SLC25A48: variants seen among roughly 807,000 people sequenced by gnomAD.
SLC25A48 encodes CTC-321K16.1.
A neutral mutation model predicts 32.2 loss-of-function variants in SLC25A48; 29 were observed. That is an observed-to-expected ratio of 0.90 (90% confidence interval 0.67 to 1.23). The LOEUF is 1.23. Ranked by LOEUF, SLC25A48 falls within the 50% of genes most tolerant of loss-of-function variation. The probability of loss-of-function intolerance (pLI) is 0.00; values close to 1 mark genes in which losing one functional copy is unlikely to be tolerated. For synonymous variants in SLC25A48, 164 were observed against 172.3 expected (o/e 0.95, Z 0.38); for missense variants, 399 against 422.7 (o/e 0.94, Z 0.49).
chr5:135,705,500 A>C (rs1004868401), intron 3 of SLC25A48, among the ~76,000 whole-genome samples: 2 of 152,252 alleles, frequency 1.3e-5, no homozygotes, highest in African/African-American at 4.8e-5. Context: ...TAAGTATTAA[A>C]TGATGGCAGC....
chr5:135,715,959 C>G (rs184368626), intron 3 of SLC25A48, among the ~76,000 whole-genome samples: 1 of 152,140 alleles, frequency 6.6e-6, no homozygotes, highest in Admixed American at 6.5e-5. Flanking sequence ...CTGGCTTTTA[C>G]TTGGAATAAG....
chr5:135,853,675 A>G (rs991379802), intron 4 of SLC25A48, among the ~76,000 whole-genome samples: 3 of 152,160 alleles, frequency 2.0e-5, no homozygotes, highest in Admixed American at 6.5e-5. Flanking sequence ...CCTCCATGGA[A>G]GCCTTGAAGC....
At chr5:135,868,677 T>TGC (rs113717971) in intron 4 of SLC25A48, among the ~76,000 whole-genome samples, 2 of 149,140 alleles carry the variant, frequency 1.3e-5, no homozygotes, top group Admixed American at 6.7e-5. Flanking sequence ...CACACACACA[T>TGC]ACACACACAC....
chr5:135,665,913 C>T (rs1561781740), intron 3 of SLC25A48, among the ~76,000 whole-genome samples: 1 of 152,136 alleles, frequency 6.6e-6, no homozygotes, highest in Non-Finnish European at 1.5e-5. Flanking sequence ...CCTTTCATAG[C>T]TCTGCTCTGT....
intron 1 of SLC25A48, among the ~76,000 whole-genome samples, chr5:135,581,187 C>T (rs1751225684): frequency 6.6e-6 from 1 of 152,142 alleles, no homozygotes; most frequent in Non-Finnish European, 1.5e-5. Context: ...ATGTGCTGAC[C>T]ATTGCGGTTA....
At chr5:135,609,926 T>C (rs951831144) in intron 1 of SLC25A48, among the ~76,000 whole-genome samples, 5 of 152,268 alleles carry the variant, frequency 3.3e-5, no homozygotes, top group African/African-American at 1.2e-4. Flanking sequence ...ATTGCACATC[T>C]ATTTTTACTG....
intron 1 of SLC25A48, among the ~76,000 whole-genome samples, chr5:135,605,330 G>T (rs1471116267): frequency 6.6e-6 from 1 of 152,222 alleles, no homozygotes; most frequent in Non-Finnish European, 1.5e-5. Context: ...CGTCTGAAAG[G>T]CTGGGAGGTC....
chr5:135,750,703 G>T (rs1755750462), intron 3 of SLC25A48, among the ~76,000 whole-genome samples: 1 of 152,222 alleles, frequency 6.6e-6, no homozygotes, highest in African/African-American at 2.4e-5. Context: ...GCCCCCAGGT[G>T]GTAGACTGGT....
intron 4 of SLC25A48, among the ~76,000 whole-genome samples, chr5:135,855,000 A>G (rs978180560): frequency 3.3e-5 from 5 of 152,214 alleles, no homozygotes; most frequent in African/African-American, 1.2e-4. Flanking sequence ...GGAGAGGGAG[A>G]GAGATAGGGA....
intron 3 of SLC25A48, among the ~76,000 whole-genome samples, chr5:135,679,694 T>C (rs1178310556): frequency 6.6e-6 from 1 of 152,174 alleles, no homozygotes; most frequent in Admixed American, 6.5e-5. Flanking sequence ...CTTCAGGCCA[T>C]GCACCTGGCT....
At chr5:135,862,669 C>T (rs372760522) in intron 4 of SLC25A48, among the ~76,000 whole-genome samples, 5 of 152,122 alleles carry the variant, frequency 3.3e-5, no homozygotes, top group Non-Finnish European at 5.9e-5. Context: ...GGCTGTTGAT[C>T]GGGTTTTTTA....
intron 3 of SLC25A48, among the ~76,000 whole-genome samples, chr5:135,677,225 A>C (rs555970556): frequency 6.6e-6 from 1 of 151,976 alleles, no homozygotes; most frequent in Non-Finnish European, 1.5e-5. Flanking sequence ...TTTTGACTTA[A>C]ACCTGTTTTA....
At chr5:135,592,230 G>A (rs949748054) in intron 1 of SLC25A48, among the ~76,000 whole-genome samples, 1 of 152,204 alleles carries the variant, frequency 6.6e-6, no homozygotes, top group East Asian at 1.9e-4. Context: ...GGAGAAACAT[G>A]AGCTGATGTG....
intron 3 of SLC25A48, among the ~76,000 whole-genome samples, chr5:135,654,468 G>T (rs1030326904): frequency 2.6e-5 from 4 of 152,166 alleles, no homozygotes; most frequent in African/African-American, 9.7e-5. Flanking sequence ...GTAAGTGGGG[G>T]AGCTGGTGAA....
chr5:135,729,554 C>T (rs1755177416), intron 3 of SLC25A48, among the ~76,000 whole-genome samples: 1 of 152,154 alleles, frequency 6.6e-6, no homozygotes, highest in Non-Finnish European at 1.5e-5. Context: ...AAAGTGGCAT[C>T]TTGCTTGCAT....
chr5:135,828,195 C>G (rs1034748244), intron 4 of SLC25A48, among the ~76,000 whole-genome samples: 1 of 152,226 alleles, frequency 6.6e-6, no homozygotes, highest in Non-Finnish European at 1.5e-5. Flanking sequence ...AGATAAGGGG[C>G]TGGCTCAGCT....
At chr5:135,737,713 A>G (rs1409692354) in intron 3 of SLC25A48, among the ~76,000 whole-genome samples, 1 of 152,186 alleles carries the variant, frequency 6.6e-6, no homozygotes, top group Non-Finnish European at 1.5e-5. Flanking sequence ...GAACATTTTG[A>G]GAACAGGGCT....
At chr5:135,711,080 T>C (rs1754645984) in intron 3 of SLC25A48, among the ~76,000 whole-genome samples, 1 of 152,156 alleles carries the variant, frequency 6.6e-6, no homozygotes, top group Non-Finnish European at 1.5e-5. Context: ...AAGTTCCCAT[T>C]TGAGGGAAAT....
intron 3 of SLC25A48, among the ~76,000 whole-genome samples, chr5:135,704,930 C>T (rs1348275862): frequency 6.6e-6 from 1 of 152,190 alleles, no homozygotes; most frequent in Non-Finnish European, 1.5e-5. Context: ...GTGTCTCTGA[C>T]TGCCATTCAG....
Sources: gnomAD v4.1 joint callset for allele counts (sites outside exome capture counted in the v4.1 genomes callset) on GRCh38, gnomAD v4.1.1 for gene constraint, MANE v1.5 for transcripts, NCBI Gene and HGNC (gene_info 2026-07-23, HGNC 2026-07-21) for gene names.